THSD4: variants seen among roughly 807,000 people sequenced by gnomAD.
THSD4 encodes thrombospondin type 1 domain containing 4, also known as thrombospondin type-1 domain-containing protein 4.
Under a neutral mutation model 119.0 loss-of-function variants are expected in THSD4, and 69 were observed. The observed-to-expected ratio is 0.58, with a 90% confidence interval of 0.48 to 0.71. THSD4 has a LOEUF of 0.71. Ranked by LOEUF, THSD4 falls within the 30% of genes least tolerant of loss-of-function variation. The probability of loss-of-function intolerance (pLI) is 0.00; values close to 1 mark genes in which losing one functional copy is unlikely to be tolerated. For missense variants in THSD4, 1,393 were observed against 1,391.1 expected, an observed-to-expected ratio of 1.00 and a Z score of -0.02; for synonymous variants, 524 against 540.4, an observed-to-expected ratio of 0.97 and a Z score of 0.42.
At chr15:71,459,529 C>G (rs1301359615) in intron 7 of THSD4, among the ~76,000 whole-genome samples, 1 of 152,084 alleles carries the variant, frequency 6.6e-6, no homozygotes, top group Admixed American at 6.5e-5. Context: ...AATATTTCTT[C>G]TGCAAGTTTT....
At chr15:71,620,062 A>C (rs1390071994) in intron 7 of THSD4, among the ~76,000 whole-genome samples, 1 of 152,194 alleles carries the variant, frequency 6.6e-6, no homozygotes, top group Non-Finnish European at 1.5e-5. Context: ...GTGTGGTTTA[A>C]AGGCCTTTGA....
intron 7 of THSD4, among the ~76,000 whole-genome samples, chr15:71,556,698 G>A (rs1238669178): frequency 6.6e-6 from 1 of 151,604 alleles, no homozygotes; most frequent in Non-Finnish European, 1.5e-5. Context: ...CAGGGAGGCT[G>A]ACGCTGCAGT....
chr15:71,763,545 TA>T (rs2053661340), intron 15 of THSD4, among the ~76,000 whole-genome samples: 1 of 136,512 alleles, frequency 7.3e-6, no homozygotes, highest in East Asian at 2.1e-4. Flanking sequence ...ACCCTGTCTC[TA>T]AAAACAAATT....
chr15:71,730,999 A>C (rs1205223110), intron 9 of THSD4, 122 bp from the exon 10 acceptor site: 9 of 778,616 alleles, frequency 1.2e-5, no homozygotes, highest in Non-Finnish European at 2.0e-5. Context: ...CACTGATATT[A>C]CTGGATGCGT....
At chr15:71,448,762 T>C (rs1444036453) in intron 7 of THSD4, among the ~76,000 whole-genome samples, 1 of 152,190 alleles carries the variant, frequency 6.6e-6, no homozygotes, top group African/African-American at 2.4e-5. Context: ...CCACTGTGGC[T>C]GCAGTTACCT....
At chr15:71,738,451 T>C (rs763499586) in intron 11 of THSD4, among the ~76,000 whole-genome samples, 57 of 152,114 alleles carry the variant, frequency 3.7e-4, no homozygotes, top group Non-Finnish European at 6.3e-4. Context: ...ACAGATTGCA[T>C]TGGGGCCCTC....
intron 5 of THSD4, among the ~76,000 whole-genome samples, chr15:71,244,604 C>A (rs2044183133): frequency 6.6e-6 from 1 of 152,150 alleles, no homozygotes; most frequent in African/African-American, 2.4e-5. Context: ...AGTAAGTCTT[C>A]ATTGAGCATC....
intron 7 of THSD4, among the ~76,000 whole-genome samples, chr15:71,589,742 C>T (rs1158983239): frequency 2.9e-5 from 4 of 139,170 alleles, no homozygotes; most frequent in Admixed American, 7.3e-5. Flanking sequence ...TGCACAGAGA[C>T]GAGTACAATA....
chr15:71,700,888 T>C (rs971216943), intron 8 of THSD4, among the ~76,000 whole-genome samples: 11 of 152,030 alleles, frequency 7.2e-5, no homozygotes, highest in Non-Finnish European at 1.3e-4. Flanking sequence ...ATAAAAACTA[T>C]AAATATACCA....
At chr15:71,743,191 A>T (rs1277274508) in intron 11 of THSD4, among the ~76,000 whole-genome samples, 1 of 152,052 alleles carries the variant, frequency 6.6e-6, no homozygotes, top group East Asian at 1.9e-4. Flanking sequence ...GAAGACAAGC[A>T]GTGGCCAGGT....
chr15:71,481,322 T>C (rs1259413220), intron 7 of THSD4, among the ~76,000 whole-genome samples: 1 of 152,246 alleles, frequency 6.6e-6, no homozygotes, highest in African/African-American at 2.4e-5. Context: ...TTTCTAAGTA[T>C]GCTTATAAAA....
At chr15:71,207,784 C>T (rs2043856946) in intron 3 of THSD4, among the ~76,000 whole-genome samples, 1 of 152,182 alleles carries the variant, frequency 6.6e-6, no homozygotes, top group Admixed American at 6.5e-5. Context: ...TGAGATGGAA[C>T]AGTTTCATCC....
intron 14 of THSD4, among the ~76,000 whole-genome samples, chr15:71,748,959 C>G (rs1337670209): frequency 1.3e-5 from 2 of 152,236 alleles, no homozygotes; most frequent in Admixed American, 6.5e-5. Context: ...CTCAAAACAT[C>G]CCACACCCCG....
rs534492738 is a variant in THSD4, at chr15:71,684,670, A to G, written c.1357+23936A>G. On this transcript the variant is annotated intron_variant, in intron 8 of 17. Transcript: ENST00000261862. ...TTTTTTTAATGTTCTGTTGAATTCA[A>G]TTTGCTAGGACCTTATTTGGGATTT... 3.0e-4 allele frequency among the ~76,000 whole-genome samples: 46 copies of G among 151,874 alleles called. No individual in the cohort carries two copies. The South Asian group carries it at 8.9e-3, about 30-fold the overall frequency.
chr15:71,372,955 C>CCT (rs1218950677), intron 6 of THSD4, among the ~76,000 whole-genome samples: 3 of 152,244 alleles, frequency 2.0e-5, no homozygotes, highest in African/African-American at 4.8e-5. Context: ...GCTTTGTTTA[C>CCT]CTACTCAAGC....
rs549893638 is a variant in THSD4 at position 71,643,715 on chromosome 15, T to G, written c.1153-16815T>G. Among the ~76,000 whole-genome samples the G allele has an allele frequency of 9.2e-5, 14 of 152,346 alleles. No individual in the cohort carries two copies. The South Asian group carries it at 2.9e-3, about 32-fold the overall frequency. Reference sequence around the variant, plus strand: ...CTTATACAGGCATTTAGTGAACATGTGGCTATTTTGTCCATTAGAAAATTT... The same window carrying G: ...CTTATACAGGCATTTAGTGAACATGGGGCTATTTTGTCCATTAGAAAATTT... On this transcript the variant is annotated intron_variant, in intron 7 of 17. Coordinates refer to ENST00000261862, the MANE Select transcript of THSD4 (RefSeq NM_024817.3).
chr15:71,739,109 A>AC lies in THSD4; in HGVS notation c.1906+1102_1906+1103insC, dbSNP rs543588282. On this transcript the variant is annotated intron_variant, in intron 11 of 17. Transcript: ENST00000261862. ...ATCTCAGGATTTCAGAAAAAAAAAAAAAAAACAAAACTTTGCAGGCTTGGC... is the reference window on the plus strand; with the variant it reads ...ATCTCAGGATTTCAGAAAAAAAAAAACAAAAACAAAACTTTGCAGGCTTGGC... Among the ~76,000 whole-genome samples, 45 of 150,394 alleles carry AC rather than the reference A, an allele frequency of 3.0e-4. 1 individual carries two copies. The South Asian group carries it at 9.7e-3, about 32-fold the overall frequency.
At chr15:71,735,638 GTC>G (rs1198430403) in intron 10 of THSD4, among the ~76,000 whole-genome samples, 1 of 140,784 alleles carries the variant, frequency 7.1e-6, no homozygotes, top group African/African-American at 2.7e-5. Flanking sequence ...CTCTCTTGCT[GTC>G]TCTCTTGCTC....
At chr15:71,174,265 C>G (rs1333871170) in intron 3 of THSD4, among the ~76,000 whole-genome samples, 2 of 152,164 alleles carry the variant, frequency 1.3e-5, no homozygotes, top group African/African-American at 4.8e-5. Context: ...GAGTGCCAGA[C>G]AGTGGGCGCA....
Sources: allele counts gnomAD v4.1 joint callset (sites outside exome capture counted in the v4.1 genomes callset), GRCh38; gene constraint gnomAD v4.1.1; transcripts MANE v1.5; gene names NCBI Gene and HGNC (gene_info 2026-07-23, HGNC 2026-07-21).